Variants in NCOR2 observed in about 807,000 individuals in gnomAD.
The protein encoded by NCOR2 is CTG repeat protein 26.
Under a neutral mutation model 262.9 loss-of-function variants are expected in NCOR2, and 81 were observed. The ratio of observed to expected loss-of-function variants is 0.31; its 90% CI spans 0.26 to 0.37. The LOEUF (loss-of-function observed/expected upper bound fraction) is 0.37. Ranked by LOEUF, NCOR2 falls within the 10% of genes least tolerant of loss-of-function variation. The probability of loss-of-function intolerance (pLI) is 1.00; values close to 1 mark genes in which losing one functional copy is unlikely to be tolerated. For missense variants in NCOR2, 3,385 were observed against 3,621.4 expected (o/e 0.93, Z 1.68); for synonymous variants, 1,659 against 1,559.3 (o/e 1.06, Z -1.51).
intron 1 of NCOR2, among the ~76,000 whole-genome samples, chr12:124,500,931 C>G (rs572052141): frequency 6.6e-6 from 1 of 152,120 alleles, no homozygotes; most frequent in Admixed American, 6.5e-5. Flanking sequence ...CTGCGCCGCA[C>G]GTGCCTGAAA....
chr12:124,491,358 C>T (rs570309800), intron 1 of NCOR2, among the ~76,000 whole-genome samples: 2 of 152,370 alleles, frequency 1.3e-5, no homozygotes, highest in Non-Finnish European at 2.9e-5. Context: ...TGGATCCTCA[C>T]AATCTTAAAA....
Position 124,409,717 on chromosome 12 carries a change from C to G in NCOR2, c.1483-7156G>C, listed in dbSNP as rs1365285577. 6.6e-5 allele frequency among the ~76,000 whole-genome samples: 10 copies of G among 152,070 alleles called. 1 individual carries two copies. ...TGGACGCAGGGTCTTGCTCTGTTGCCCAGGCTGAGGTGCACAGTGGCATGA... is the reference window on the plus strand; with the variant it reads ...TGGACGCAGGGTCTTGCTCTGTTGCGCAGGCTGAGGTGCACAGTGGCATGA... On this transcript the variant is annotated intron_variant, in intron 13 of 46. Coordinates refer to ENST00000405201, the Ensembl canonical transcript of NCOR2.
intron 42 of NCOR2, among the ~76,000 whole-genome samples, 159 bp from the exon 45 acceptor site, chr12:124,332,626 GA>G (rs2135750142): frequency 6.6e-6 from 1 of 152,250 alleles, no homozygotes; most frequent in South Asian, 2.1e-4. Context: ...CACGGCTCCT[GA>G]AATCTCCTCT....
chr12:124,428,780 GCTGAGCTAA>G (rs767747663), intron 10 of NCOR2, among the ~76,000 whole-genome samples: 39 of 152,216 alleles, frequency 2.6e-4, no homozygotes, highest in Admixed American at 4.6e-4. Context: ...GCTCTGCTGT[GCTGAGCTAA>G]AGGGCTATAA....
chr12:124,515,380 GA>G (rs11285264), intron 1 of NCOR2, among the ~76,000 whole-genome samples: 124,719 of 145,312 alleles, frequency 0.86, 53,862 homozygotes, highest in East Asian at 1. Context: ...TTCAAAAAAG[GA>G]AAAAAAAAAA....
intron 1 of NCOR2, among the ~76,000 whole-genome samples, chr12:124,502,069 T>C (rs1027991577): frequency 4.3e-4 from 66 of 152,222 alleles, no homozygotes; most frequent in African/African-American, 1.5e-3. Context: ...AAGTATCTGA[T>C]GGCCACCTTC....
chr12:124,547,896 A>G (rs1332229603), intron 1 of NCOR2, among the ~76,000 whole-genome samples: 2 of 152,226 alleles, frequency 1.3e-5, no homozygotes, highest in African/African-American at 2.4e-5. Flanking sequence ...GACCAATCAT[A>G]TATTTTTATA....
Position 124,378,107 on chromosome 12 carries a change from C to A in NCOR2, c.2167+130G>T. On this transcript the variant is annotated intron_variant, in intron 18 of 46. Coordinates refer to ENST00000405201, the Ensembl canonical transcript of NCOR2. The surrounding 1 kb of genome is among the most constrained non-coding windows in gnomAD (Gnocchi z 4.2). ...GTCAGGCCCGCACCTTCCAGGGAGT[C>A]GAGGCCCCTTCTAAGGAGGACCCAG... 1.3e-6 allele frequency: 2 copies of A among 1,498,938 alleles called. No individual in the cohort carries two copies. Among genetic ancestry groups the A allele is most frequent in the South Asian group, 1.4e-5 (1 of 74,024 alleles). 92.9% of individuals were successfully genotyped at this position (1,498,938 alleles called of 1,614,324 possible). A position where few individuals can be genotyped will look rare whatever the true frequency, so the allele number is the denominator to read the frequency against.
chr12:124,410,146 T>C lies in NCOR2; in HGVS notation c.1483-7585A>G, dbSNP rs11057614. Among the ~76,000 whole-genome samples the C allele has an allele frequency of 0.028, 4,204 of 150,176 alleles. 352 individuals are homozygous for C. In the East Asian group the frequency reaches 0.3, roughly 11 times the overall value. On this transcript the variant is annotated intron_variant, in intron 13 of 46. Coordinates refer to ENST00000405201, the Ensembl canonical transcript of NCOR2. ...ACACCAAGGCTGCTGTTCTGGGAACTACTTCCTGACTCCAGCAGCCCAGCT... is the reference window on the plus strand; with the variant it reads ...ACACCAAGGCTGCTGTTCTGGGAACCACTTCCTGACTCCAGCAGCCCAGCT...
chr12:124,333,974 A>ACGTGTG (rs1566354251), intron 41 of NCOR2, among the ~76,000 whole-genome samples: 1 of 142,484 alleles, frequency 7.0e-6, no homozygotes, highest in Non-Finnish European at 1.5e-5. Context: ...GCGGGTGCGC[A>ACGTGTG]TGTGTGCGGG....
At chr12:124,394,683 G>A (rs967180509) in intron 16 of NCOR2, among the ~76,000 whole-genome samples, 2 of 152,194 alleles carry the variant, frequency 1.3e-5, no homozygotes, top group Non-Finnish European at 2.9e-5. Flanking sequence ...GGCGCCAGGG[G>A]CTGGGGGAGG....
In NCOR2 at chr12:124,500,653, G is replaced by C. The variant is rs543703813; in HGVS notation, c.-117-5285C>G. On this transcript the variant is annotated intron_variant, in intron 1 of 46. Coordinates refer to the NCOR2 transcript ENST00000404621. ...ACCTGTGTCCTCTTCCCACCTGGCC[G>C]GGCAGAGGCGCCTTTCCGGGAGGCC... 9.9e-5 allele frequency among the ~76,000 whole-genome samples: 15 copies of C among 152,282 alleles called. No homozygotes were observed. In the East Asian group the frequency reaches 2.9e-3, roughly 29 times the overall value.
At chr12:124,512,383 CTT>C (rs1258799157) in intron 1 of NCOR2, among the ~76,000 whole-genome samples, 1 of 152,228 alleles carries the variant, frequency 6.6e-6, no homozygotes, top group Non-Finnish European at 1.5e-5. Flanking sequence ...CAATCTCTGC[CTT>C]TGTCTTCCTG....
rs1242757705 is a variant in NCOR2, at chr12:124,500,834, C to CG, written c.-117-5467dup. Among the ~76,000 whole-genome samples the CG allele has an allele frequency of 3.9e-5, 6 of 151,954 alleles. No homozygotes were observed. The South Asian group carries it at 6.2e-4, about 16-fold the overall frequency. ...TTACAGCCTCAGGGTGAGGGGCAGG[C>CG]GGGGGCTGGTGGAGGTGTGGGAGCT... is the stretch of plus-strand genomic sequence containing the variant. On this transcript the variant is annotated intron_variant, in intron 1 of 46. Transcript: ENST00000404621.
chr12:124,379,090 T>A (rs1456681072), intron 17 of NCOR2, among the ~76,000 whole-genome samples: 1 of 26,972 alleles, frequency 3.7e-5, no homozygotes, highest in Non-Finnish European at 1.4e-4. Flanking sequence ...GGAAGTGACA[T>A]TTGAGCCAAG....
At position 124,454,132 on chromosome 12, in the gene NCOR2, G is replaced by A. The variant is rs1032214273; in HGVS notation, c.762+2974C>T. Among the ~76,000 whole-genome samples, 21 of 152,298 alleles carry A rather than the reference G, an allele frequency of 1.4e-4. No individual in the cohort carries two copies. Among genetic ancestry groups the A allele is most frequent in the Middle Eastern group, 6.8e-3 (2 of 294 alleles). On this transcript the variant is annotated intron_variant, in intron 6 of 46. Coordinates refer to ENST00000405201, the Ensembl canonical transcript of NCOR2. The surrounding 1 kb of genome is among the most constrained non-coding windows in gnomAD (Gnocchi z 5.6). ...GGCCACTCGGGCCTGGCAGATCTGT[G>A]CAGAACTGGCCGGCCGCTCTCCCAG... is the stretch of plus-strand genomic sequence containing the variant.
intron 1 of NCOR2, among the ~76,000 whole-genome samples, chr12:124,559,982 C>A (rs1566060783): frequency 6.6e-6 from 1 of 152,216 alleles, no homozygotes; most frequent in East Asian, 1.9e-4. Context: ...TAACCATCCC[C>A]TCTTTCCTAC....
chr12:124,553,491 C>G (rs1363795050), intron 1 of NCOR2, among the ~76,000 whole-genome samples: 1 of 152,218 alleles, frequency 6.6e-6, no homozygotes, highest in African/African-American at 2.4e-5. Context: ...ACAGGCGATT[C>G]CCCAGGGTCC....
rs571567528 is a variant in NCOR2 at position 124,503,639 on chromosome 12, AATGGATGG to A, written c.-117-8279_-117-8272del. 1.8e-4 allele frequency among the ~76,000 whole-genome samples: 18 copies of A among 102,616 alleles called. No individual in the cohort carries two copies. The highest frequency in any genetic ancestry group is 2.1e-4 in the Non-Finnish European group (11 of 51,794). The allele number at this position is 102,616 out of a possible 152,430, so 67.3% of individuals were successfully genotyped here. A position where few individuals can be genotyped will look rare whatever the true frequency, so the allele number is the denominator to read the frequency against. On this transcript the variant is annotated intron_variant, in intron 1 of 46. Transcript: ENST00000404621. This position sits in a 1 kb window ranked among gnomAD's most constrained non-coding sequence, Gnocchi z 4.3. ...GGATGGATGGATGGATGGATGGGCG[AATGGATGG>A]ATGGATGGATGGATGGACGGGTGAA...
Sources: allele counts gnomAD v4.1 joint callset (sites outside exome capture counted in the v4.1 genomes callset), GRCh38; gene constraint gnomAD v4.1.1; non-coding constraint Gnocchi (gnomAD v3.1); transcripts MANE v1.5; gene names NCBI Gene and HGNC (gene_info 2026-07-23, HGNC 2026-07-21).